STPG1: variants seen among roughly 807,000 people sequenced by gnomAD.
STPG1 encodes O(6)-methylguanine-induced apoptosis 2.
STPG1 carries 33 observed loss-of-function variants against 40.1 expected under a neutral mutation model. That is an observed-to-expected ratio of 0.82 (90% CI 0.62 to 1.10). The LOEUF (loss-of-function observed/expected upper bound fraction) is 1.10. Among genes scored for constraint, STPG1 ranks in the 50% least tolerant of loss-of-function variants. The pLI is 0.00. For synonymous variants in STPG1, 150 were observed against 155.0 expected (o/e 0.97, Z 0.24); for missense variants, 396 against 415.1 (o/e 0.95, Z 0.40).
intron 1 of STPG1, among the ~76,000 whole-genome samples, chr1:24,404,066 A>G (rs554961657): frequency 6.6e-6 from 1 of 152,228 alleles, no homozygotes; most frequent in South Asian, 2.1e-4. Context: ...ATTAAGTACA[A>G]TGTTAGTTGT....
chr1:24,404,381 G>A (rs80177004), intron 1 of STPG1, among the ~76,000 whole-genome samples: 5,092 of 152,222 alleles, frequency 0.033, 311 homozygotes, highest in African/African-American at 0.11. Context: ...CTATTAATCT[G>A]TAGCTTTCCT....
chr1:24,360,757 A>C (rs557233910), intron 8 of STPG1, 94 bp downstream of exon 8: 289 of 1,169,460 alleles, frequency 2.5e-4, no homozygotes, highest in Non-Finnish European at 3.2e-4. Flanking sequence ...CTATTTGGGA[A>C]ACAACCTATA....
At chr1:24,374,112 C>A (rs1331434906) in intron 5 of STPG1, among the ~76,000 whole-genome samples, 1 of 152,156 alleles carries the variant, frequency 6.6e-6, no homozygotes. Context: ...CTGTGTGGCC[C>A]CGCATCAGTT....
chr1:24,366,282 T>A (rs1403247955), intron 7 of STPG1, among the ~76,000 whole-genome samples: 1 of 152,148 alleles, frequency 6.6e-6, no homozygotes, highest in Non-Finnish European at 1.5e-5. Flanking sequence ...TTAGTTCTGA[T>A]GTGGACAAAG....
At position 24,384,023 on chromosome 1, in the gene STPG1, G is replaced by A. The variant is rs1244525114; in HGVS notation, c.190-20C>T. 2.0e-6 allele frequency: 3 copies of A among 1,475,454 alleles called. No homozygotes were observed. The highest frequency in any genetic ancestry group is 1.4e-5 in the African/African-American group (1 of 72,262). The allele number at this position is 1,475,454 out of a possible 1,614,324, so 91.4% of individuals were successfully genotyped here. ...ATCATTCTGAAAGGGAAGAGAAGGT[G>A]GTGTCATCGAGATACTTCAATTCCA... is the stretch of plus-strand genomic sequence containing the variant. On this transcript the variant is annotated intron_variant, in intron 3 of 8. Coordinates refer to ENST00000337248, the MANE Select transcript of STPG1 (RefSeq NM_001199013.2).
intron 2 of STPG1, among the ~76,000 whole-genome samples, chr1:24,393,723 T>C (rs912546971): frequency 3.3e-5 from 5 of 151,998 alleles, no homozygotes; most frequent in Non-Finnish European, 5.9e-5. Flanking sequence ...CAGGACTAGA[T>C]TTGCCCTCCC....
intron 3 of STPG1, among the ~76,000 whole-genome samples, chr1:24,386,168 T>C (rs911690692): frequency 6.6e-6 from 1 of 152,228 alleles, no homozygotes. Context: ...CCATGCAATA[T>C]TTGGGACATA....
chr1:24,375,617 G>A (rs2148691574), intron 5 of STPG1, among the ~76,000 whole-genome samples: 1 of 152,292 alleles, frequency 6.6e-6, no homozygotes, highest in South Asian at 2.1e-4. Flanking sequence ...ATATACAAGT[G>A]AGGGATGGTG....
intron 7 of STPG1, among the ~76,000 whole-genome samples, chr1:24,363,998 T>C (rs991261025): frequency 3.9e-5 from 6 of 152,100 alleles, no homozygotes; most frequent in Non-Finnish European, 8.8e-5. Context: ...AAAGGCAAGA[T>C]CTATTTATGG....
intron 2 of STPG1, among the ~76,000 whole-genome samples, chr1:24,392,961 A>AT (rs1458594482): frequency 3.9e-5 from 6 of 152,170 alleles, no homozygotes; most frequent in Non-Finnish European, 4.4e-5. Context: ...TCATCTCTGA[A>AT]TTTTTTTAAA....
chr1:24,375,772 G>A (rs1424086716), intron 5 of STPG1, among the ~76,000 whole-genome samples: 1 of 152,110 alleles, frequency 6.6e-6, no homozygotes, highest in African/African-American at 2.4e-5. Context: ...CAGCACTTCA[G>A]CTTTATTTTT....
chr1:24,384,685 G>A (rs923514417), intron 3 of STPG1, among the ~76,000 whole-genome samples: 12 of 152,194 alleles, frequency 7.9e-5, no homozygotes, highest in Non-Finnish European at 1.2e-4. Context: ...GGAAGTAAAT[G>A]TTGACAGAAG....
chr1:24,358,456 T>C lies in STPG1; in HGVS notation c.*87A>G. ...CCCAAGTTGTCAGCTGCCACACTCA[T>C]GATCGGTCTCCTCCTGAGGAATGTC... On this transcript the variant is annotated 3_prime_UTR_variant, in exon 9 of 9. Coordinates refer to ENST00000337248, the MANE Select transcript of STPG1 (RefSeq NM_001199013.2). The C allele has an allele frequency of 8.6e-7, 1 of 1,157,958 alleles. No homozygotes were observed. The highest frequency in any genetic ancestry group is 1.3e-6 in the Non-Finnish European group (1 of 763,820). 71.7% of individuals were successfully genotyped at this position (1,157,958 alleles called of 1,614,324 possible).
At chr1:24,385,695 TG>T (rs1642477027) in intron 3 of STPG1, among the ~76,000 whole-genome samples, 1 of 152,208 alleles carries the variant, frequency 6.6e-6, no homozygotes, top group Non-Finnish European at 1.5e-5. Flanking sequence ...CCACAGAGTC[TG>T]CTCTTAACCA....
In STPG1 at chr1:24,379,640, G is replaced by C; in HGVS notation, c.462+13C>G. On this transcript the variant is annotated intron_variant, in intron 5 of 8. Coordinates refer to ENST00000337248, the MANE Select transcript of STPG1 (RefSeq NM_001199013.2). ...TTCGATCTGTATTTAGCAAGCATAGGCAGAGTTCTTACATTGTAATAGTTT... is the reference window on the plus strand; with the variant it reads ...TTCGATCTGTATTTAGCAAGCATAGCCAGAGTTCTTACATTGTAATAGTTT... 1.9e-6 allele frequency: 3 copies of C among 1,613,310 alleles called. No homozygotes were observed. Among genetic ancestry groups the C allele is most frequent in the Non-Finnish European group, 2.5e-6 (3 of 1,179,284 alleles).
intron 1 of STPG1, among the ~76,000 whole-genome samples, chr1:24,402,073 G>A (rs1257934742): frequency 6.6e-6 from 1 of 152,076 alleles, no homozygotes; most frequent in Non-Finnish European, 1.5e-5. Context: ...CCAAGTTTTG[G>A]CAAATGTTTA....
chr1:24,358,700 G>C (rs1227094374), intron 8 of STPG1, 81 bp from the exon 9 acceptor site: 1 of 1,168,122 alleles, frequency 8.6e-7, no homozygotes, highest in Non-Finnish European at 1.2e-6. Flanking sequence ...CTCAGAGCTG[G>C]AAAGGCCTGG....
At chr1:24,366,182 C>A (rs1641449113) in intron 7 of STPG1, among the ~76,000 whole-genome samples, 1 of 152,190 alleles carries the variant, frequency 6.6e-6, no homozygotes, top group African/African-American at 2.4e-5. Context: ...GAGGGCAGGT[C>A]TCCCCCTGCA....
chr1:24,397,161 A>T (rs896177627), intron 2 of STPG1, among the ~76,000 whole-genome samples: 18 of 152,202 alleles, frequency 1.2e-4, no homozygotes, highest in African/African-American at 3.1e-4. Context: ...GATGTACCCA[A>T]TAAAAAGAGA....
Sources: gnomAD v4.1 joint callset for allele counts (sites outside exome capture counted in the v4.1 genomes callset) on GRCh38, gnomAD v4.1.1 for gene constraint, MANE v1.5 for transcripts, NCBI Gene and HGNC (gene_info 2026-07-23, HGNC 2026-07-21) for gene names.